SRCAP: variants seen among roughly 807,000 people sequenced by gnomAD.
SRCAP encodes the protein Snf2 related CREBBP activator protein.
A neutral mutation model predicts 263.1 loss-of-function variants in SRCAP; 46 were observed. The observed-to-expected ratio is 0.17, with a 90% CI of 0.14 to 0.22. The LOEUF (loss-of-function observed/expected upper bound fraction) is 0.22, where lower values mean the gene tolerates loss of function less well. SRCAP is among the 10% of genes least tolerant of loss of function. The pLI, the probability that SRCAP is intolerant of heterozygous loss-of-function variation, is 1.00. For synonymous variants in SRCAP, 1,813 were observed against 1,662.1 expected (o/e 1.09, Z -2.21); for missense variants, 3,695 against 4,181.9 (o/e 0.88, Z 3.21).
At chr16:30,732,260 T>C (rs2053120927) in intron 27 of SRCAP, among the ~76,000 whole-genome samples, 1 of 152,166 alleles carries the variant, frequency 6.6e-6, no homozygotes. Flanking sequence ...GAGACCAGCC[T>C]GACCAACATG....
Position 30,724,042 on chromosome 16 carries a change from A to G in SRCAP, c.4618A>G (p.Thr1540Ala), listed in dbSNP as rs200086013. The change falls in exon 25 of 34, where the codon ACC becomes GCC. Residue 1540 changes from threonine to alanine, a missense_variant. Coordinates refer to ENST00000262518, the MANE Select transcript of SRCAP (RefSeq NM_006662.3). ...TTCACATGTTCCAGGGTTGAACTCA[A>G]CCGTGGCCCCAGCATGCTCACCTGT... Reference protein sequence around the residue: ...TSSHVPGLNSTVAPACSPVLV... With the variant: ...TSSHVPGLNSAVAPACSPVLV... 3.0e-5 allele frequency: 48 copies of G among 1,613,690 alleles called. No homozygotes were observed. Among genetic ancestry groups the G allele is most frequent in the East Asian group, 2.5e-4 (11 of 44,878 alleles).
At position 30,711,659 on chromosome 16, in the gene SRCAP, G is replaced by T; in HGVS notation, c.1407G>T (p.Glu469Asp). ...GCAGTGAAGATGAGGATGAAGATGA[G>T]GTTGATGCTAATAGCTCTGACTGTG... Reference protein sequence around the residue: ...SGSSEDEDEDEVDANSSDCEP... With the variant: ...SGSSEDEDEDDVDANSSDCEP... Residue 469 changes from glutamate (E) to aspartate (D), a missense_variant, in exon 11 of 34, where the codon GAG becomes GAT. Glu to Asp is a conservative substitution (Grantham distance 45, BLOSUM62 2). Coordinates refer to ENST00000262518, the MANE Select transcript of SRCAP (RefSeq NM_006662.3). 1 of 1,614,126 alleles carries T rather than the reference G, an allele frequency of 6.2e-7. No individual in the cohort carries two copies. The highest frequency in any genetic ancestry group is 1.7e-4 in the Middle Eastern group (1 of 6,058).
Position 30,729,403 on chromosome 16 carries a change from T to TC in SRCAP, c.5963dup (p.Ser1989PhefsTer25). 1.2e-6 allele frequency: 2 copies of TC among 1,614,044 alleles called. No homozygotes were observed. Among genetic ancestry groups the TC allele is most frequent in the Non-Finnish European group, 1.7e-6 (2 of 1,180,004 alleles). Reference sequence around the variant, plus strand: ...TTGTCATGCCTCCTGTGGAGGCACCTCCCCCTTCCCTGCATGCCTGCCACC... The same window carrying TC: ...TTGTCATGCCTCCTGTGGAGGCACCTCCCCCCTTCCCTGCATGCCTGCCACC... On this transcript the variant is annotated frameshift_variant, in exon 27 of 34. Coordinates refer to ENST00000262518, the MANE Select transcript of SRCAP (RefSeq NM_006662.3). LOFTEE classifies it high-confidence loss of function.
At chr16:30,712,517 A>C in intron 13 of SRCAP, 78 bp downstream of exon 13, 1 of 1,524,060 alleles carries the variant, frequency 6.6e-7, no homozygotes, top group Non-Finnish European at 8.8e-7. Context: ...CTCCAGCTTC[A>C]TTGACTTTTG....
At chr16:30,719,905 C>T (rs898186943) in intron 18 of SRCAP, among the ~76,000 whole-genome samples, 1 of 152,122 alleles carries the variant, frequency 6.6e-6, no homozygotes, top group Non-Finnish European at 1.5e-5. Flanking sequence ...GATCCTGTTA[C>T]TCAGGTTGTG....
At chr16:30,720,448 TG>T (rs1483161533) in intron 19 of SRCAP, 117 bp downstream of exon 19, 52 of 1,271,640 alleles carry the variant, frequency 4.1e-5, no homozygotes, top group South Asian at 1.4e-4. Flanking sequence ...TTATATGGGA[TG>T]GGTGCAAACG....
In SRCAP at chr16:30,703,924, G is replaced by T. The variant is rs1421104463; in HGVS notation, c.55-140G>T. ...AAAAATAAAATAAAAACTTTATCCC[G>T]AACGTTTGTGTTTATGAAAATAAGG... On this transcript the variant is annotated intron_variant, in intron 3 of 33. Transcript: ENST00000262518. 100 of 1,047,970 alleles carry T rather than the reference G, an allele frequency of 9.5e-5. No individual in the cohort carries two copies. In the East Asian group the frequency reaches 2.6e-3, roughly 27 times the overall value. 64.9% of individuals were successfully genotyped at this position (1,047,970 alleles called of 1,614,324 possible). A position where few individuals can be genotyped will look rare whatever the true frequency, so the allele number is the denominator to read the frequency against.
chr16:30,713,813 G>T lies in SRCAP; in HGVS notation c.2493+102G>T, dbSNP rs150740419. 16 of 1,109,430 alleles carry T rather than the reference G, an allele frequency of 1.4e-5. No homozygotes were observed. In the East Asian group the frequency reaches 3.8e-4, roughly 26 times the overall value. 68.7% of individuals were successfully genotyped at this position (1,109,430 alleles called of 1,614,324 possible). On this transcript the variant is annotated intron_variant, in intron 16 of 33. Transcript: ENST00000262518. Reference sequence around the variant, plus strand: ...AACCCTTGGGGAGAGGGAAGTCAGTGCCAGGCTAAACTCCTTTGTCAAGCT... The same window carrying T: ...AACCCTTGGGGAGAGGGAAGTCAGTTCCAGGCTAAACTCCTTTGTCAAGCT...
chr16:30,738,047 G>A lies in SRCAP; in HGVS notation c.8007G>A (p.Glu2669=), dbSNP rs2053177991. The change falls in exon 34 of 34, where the codon GAG becomes GAA. Residue 2669 remains glutamate (E), a synonymous_variant. Coordinates refer to ENST00000262518, the MANE Select transcript of SRCAP (RefSeq NM_006662.3). The part of the protein sequence containing the change: ...ASDEPLQEPL[E]ADRTSEELTE... ...ATGAGCCACTTCAGGAGCCACTGGAGGCTGACAGGACCTCGGAAGAGCTGA... is the reference window on the plus strand; with the variant it reads ...ATGAGCCACTTCAGGAGCCACTGGAAGCTGACAGGACCTCGGAAGAGCTGA... The A allele has an allele frequency of 6.2e-7, 1 of 1,614,178 alleles. No individual in the cohort carries two copies. The highest frequency in any genetic ancestry group is 8.5e-7 in the Non-Finnish European group (1 of 1,180,038).
At chr16:30,699,810 T>A (rs1379836589) in intron 1 of SRCAP, 98 bp from the exon 2 acceptor site, 1 of 152,268 alleles carries the variant, frequency 6.6e-6, no homozygotes, top group African/African-American at 2.4e-5. Context: ...ATTTTCCTAC[T>A]ACTGTAGTTT....
Position 30,734,581 on chromosome 16 carries a change from CTG to C in SRCAP, c.6698_6699del (p.Val2233GlyfsTer18). ...TCTGCCCCTGAAGAGGAGGAAGAGACTGTGGCCAGCAAGCAGACTCATATTCT... is the reference window on the plus strand; with the variant it reads ...TCTGCCCCTGAAGAGGAGGAAGAGACTGGCCAGCAAGCAGACTCATATTCT... On this transcript the variant is annotated frameshift_variant, in exon 31 of 34. Coordinates refer to ENST00000262518, the MANE Select transcript of SRCAP (RefSeq NM_006662.3). 6.2e-7 allele frequency: 1 copy of C among 1,613,958 alleles called. No homozygotes were observed. The highest frequency in any genetic ancestry group is 8.5e-7 in the Non-Finnish European group (1 of 1,180,000).
chr16:30,723,935 C>T lies in SRCAP; in HGVS notation c.4511C>T (p.Ala1504Val). The T allele has an allele frequency of 6.2e-7, 1 of 1,614,154 alleles. No homozygotes were observed. Among genetic ancestry groups the T allele is most frequent in the Non-Finnish European group, 8.5e-7 (1 of 1,180,020 alleles). Residue 1504 changes from alanine (A) to valine (V), a missense_variant, in exon 25 of 34, where the codon GCC (alanine) becomes GTC (valine). Around this residue, in one of 12 missense-constraint regions of SRCAP, gnomAD observed 1,347 missense variants for 1,304.4 expected, o/e 1.03. Coordinates refer to ENST00000262518, the MANE Select transcript of SRCAP (RefSeq NM_006662.3). ...APSGASPSAS[A>V]LTLGLATAPS... ...TCTGGTGCTTCCCCGTCAGCATCAG[C>T]CTTGACTCTAGGTTTGGCCACAGCT...
intron 2 of SRCAP, 33 bp from the exon 3 acceptor site, chr16:30,700,581 TTC>T (rs1438523019): frequency 7.1e-6 from 3 of 420,742 alleles, no homozygotes; most frequent in African/African-American, 6.1e-5. Context: ...TTAACTGCAT[TTC>T]TGTCTTTTTT....
At position 30,724,521 on chromosome 16, in the gene SRCAP, A is replaced by G. The variant is rs1222324385; in HGVS notation, c.5097A>G (p.Thr1699=). 2 of 1,613,312 alleles carry G rather than the reference A, an allele frequency of 1.2e-6. No individual in the cohort carries two copies. Among genetic ancestry groups the G allele is most frequent in the Admixed American group, 1.7e-5 (1 of 59,932 alleles). The stretch of plus-strand genomic sequence containing the variant: ...TTGGAGGCTCATCTCCATCTCAGAC[A>G]CTCTCTTTGGGAACGGGGAACCCCC... ...PTLGGSSPSQ[T]LSLGTGNPQG... The change falls in exon 25 of 34, where the codon ACA becomes ACG. Residue 1699 remains threonine (T), a synonymous_variant. Transcript: ENST00000262518.
At chr16:30,715,948 G>T in intron 16 of SRCAP, 118 bp from the exon 17 acceptor site, 2 of 1,324,700 alleles carry the variant, frequency 1.5e-6, no homozygotes, top group Non-Finnish European at 2.1e-6. Flanking sequence ...ACTCATCTTT[G>T]TGTGGTTGGT....
chr16:30,728,621 C>A (rs998507598), intron 25 of SRCAP, among the ~76,000 whole-genome samples: 1 of 152,164 alleles, frequency 6.6e-6, no homozygotes, highest in African/African-American at 2.4e-5. Flanking sequence ...GGAAAATACC[C>A]ACAAATCGTC....
chr16:30,702,102 C>T (rs916047904), intron 3 of SRCAP, among the ~76,000 whole-genome samples: 16 of 151,774 alleles, frequency 1.1e-4, no homozygotes, highest in African/African-American at 2.9e-4. Flanking sequence ...TACAGGTGCG[C>T]GCCACCACGC....
intron 18 of SRCAP, 23 bp downstream of exon 18, chr16:30,716,502 G>A (rs2052952015): frequency 1.3e-6 from 2 of 1,592,338 alleles, no homozygotes; most frequent in Non-Finnish European, 1.7e-6. Flanking sequence ...CCATTAATAT[G>A]AAATGTAAAG....
chr16:30,709,966 T>TCGC lies in SRCAP; in HGVS notation c.975_977dup (p.Arg326dup). The TCGC allele has an allele frequency of 6.2e-7, 1 of 1,614,156 alleles. No homozygotes were observed. Among genetic ancestry groups the TCGC allele is most frequent in the Non-Finnish European group, 8.5e-7 (1 of 1,180,024 alleles). On this transcript the variant is annotated inframe_insertion, in exon 8 of 34. Transcript: ENST00000262518. ...CCCAGAGGCGTGAGATTGAGCTGCT[T>TCGC]CGCCGTGAGGGAGAATTGCCACTGG...
Sources: allele counts gnomAD v4.1 joint callset (sites outside exome capture counted in the v4.1 genomes callset), GRCh38; gene constraint gnomAD v4.1.1; regional missense constraint gnomAD v4.1.1; transcripts MANE v1.5; gene names NCBI Gene and HGNC (gene_info 2026-07-23, HGNC 2026-07-21).